TMEM202: variants seen among roughly 807,000 people sequenced by gnomAD.
TMEM202 encodes transmembrane protein 202.
A neutral mutation model predicts 26.1 loss-of-function variants in TMEM202; 25 were observed. That is an observed-to-expected ratio of 0.96 (90% confidence interval 0.70 to 1.34). The LOEUF (loss-of-function observed/expected upper bound fraction) is 1.34, where lower values mean the gene tolerates loss of function less well. Among genes scored for constraint, TMEM202 ranks in the 40% most tolerant of loss-of-function variants. TMEM202 has a pLI of 0.00. For synonymous variants in TMEM202, 122 were observed against 119.0 expected (o/e 1.02, Z -0.16); for missense variants, 301 against 327.7 (o/e 0.92, Z 0.63).
chr15:72,405,681 C>T (rs1595826166), intron 2 of TMEM202, among the ~76,000 whole-genome samples: 1 of 152,132 alleles, frequency 6.6e-6, no homozygotes, highest in East Asian at 1.9e-4. Flanking sequence ...TTGAAATCAT[C>T]ATAATATGGA....
Position 72,406,897 on chromosome 15 carries a change from T to C in TMEM202, c.487+146T>C, listed in dbSNP as rs550235378. ...CTTGCCAGCTATCTGCCTTATCTAA[T>C]TATATAGAACACACCTTAGCTGACT... On this transcript the variant is annotated intron_variant, in intron 3 of 4. Coordinates refer to ENST00000341689, the MANE Select transcript of TMEM202 (RefSeq NM_001080462.3). 516 of 1,174,532 alleles carry C rather than the reference T, an allele frequency of 4.4e-4. 2 individuals carry two copies. The Middle Eastern group carries it at 5.5e-3, about 13-fold the overall frequency. The allele number at this position is 1,174,532 out of a possible 1,614,324, so 72.8% of individuals were successfully genotyped here. A position where few individuals can be genotyped will look rare whatever the true frequency, so the allele number is the denominator to read the frequency against.
chr15:72,404,701 G>A (rs2063563391), intron 2 of TMEM202, among the ~76,000 whole-genome samples: 1 of 152,176 alleles, frequency 6.6e-6, no homozygotes, highest in Non-Finnish European at 1.5e-5. Flanking sequence ...AAGCAAAAGA[G>A]GAAATCCAAT....
chr15:72,405,996 C>A (rs1004363366), intron 2 of TMEM202, among the ~76,000 whole-genome samples: 1 of 152,036 alleles, frequency 6.6e-6, no homozygotes, highest in Non-Finnish European at 1.5e-5. Flanking sequence ...CCTGTACATG[C>A]CAGATAGAGC....
chr15:72,406,537 G>GA, intron 2 of TMEM202, 65 bp from the exon 3 acceptor site: 1 of 1,352,322 alleles, frequency 7.4e-7, no homozygotes, highest in African/African-American at 1.5e-5. Flanking sequence ...GACTCTATCT[G>GA]GCCTTTTTAA....
intron 2 of TMEM202, among the ~76,000 whole-genome samples, chr15:72,400,947 C>T (rs140146019): frequency 0.047 from 7,081 of 152,082 alleles, 260 homozygotes; most frequent in Non-Finnish European, 0.065. Context: ...CTTTTTAGAC[C>T]ATATAGGGTA....
Position 72,408,107 on chromosome 15 carries a change from A to C in TMEM202, c.*214A>C. 1.9e-6 allele frequency: 1 copy of C among 533,164 alleles called. No homozygotes were observed. Among genetic ancestry groups the C allele is most frequent in the Middle Eastern group, 5.1e-4 (1 of 1,944 alleles). 33.0% of individuals were successfully genotyped at this position (533,164 alleles called of 1,614,324 possible). The stretch of plus-strand genomic sequence containing the variant: ...CACTTAAGAAAAACATTTCTAAAAG[A>C]AAACAACAATGTTTAGAGTCATGAA... On this transcript the variant is annotated 3_prime_UTR_variant, in exon 5 of 5. Coordinates refer to ENST00000341689, the MANE Select transcript of TMEM202 (RefSeq NM_001080462.3).
At chr15:72,404,228 A>G (rs2063561164) in intron 2 of TMEM202, among the ~76,000 whole-genome samples, 1 of 152,160 alleles carries the variant, frequency 6.6e-6, no homozygotes, top group African/African-American at 2.4e-5. Flanking sequence ...AGCCTGGGCA[A>G]CATGGTGAAA....
chr15:72,401,154 C>T (rs2063545758), intron 2 of TMEM202, among the ~76,000 whole-genome samples: 1 of 152,154 alleles, frequency 6.6e-6, no homozygotes, highest in African/African-American at 2.4e-5. Context: ...TCTTTATGAC[C>T]TGTATTTTGT....
chr15:72,407,265 C>G (rs753061877), intron 4 of TMEM202, 48 bp downstream of exon 4: 2 of 1,602,070 alleles, frequency 1.2e-6, no homozygotes, highest in South Asian at 2.2e-5. Flanking sequence ...AGGGAAATCG[C>G]TTCTGGAAAG....
chr15:72,401,827 G>A (rs991198213), intron 2 of TMEM202, among the ~76,000 whole-genome samples: 1 of 152,104 alleles, frequency 6.6e-6, no homozygotes, highest in Admixed American at 6.5e-5. Context: ...ATTATAACTA[G>A]CTCTAATTCA....
intron 2 of TMEM202, 62 bp downstream of exon 2, chr15:72,398,970 A>G (rs1478938381): frequency 1.3e-6 from 2 of 1,552,514 alleles, no homozygotes; most frequent in Non-Finnish European, 1.7e-6. Flanking sequence ...CTGCTCACAC[A>G]AATTGGCCCT....
chr15:72,399,390 G>A (rs2140355249), intron 2 of TMEM202, among the ~76,000 whole-genome samples: 1 of 152,208 alleles, frequency 6.6e-6, no homozygotes, highest in East Asian at 1.9e-4. Flanking sequence ...CTGGCCTCAA[G>A]TGATCCTCCC....
At position 72,407,783 on chromosome 15, in the gene TMEM202, G is replaced by T. The variant is rs748851347; in HGVS notation, c.712G>T (p.Val238Phe). ...VIPTERSRLG[V>F]GPVTTVSPAK... ...TCCAACAGAGAGATCAAGGCTGGGG[G>T]TTGGTCCGGTGACTACAGTATCACC... Residue 238 changes from valine to phenylalanine, a missense_variant, in exon 5 of 5, where the codon GTT (valine) becomes TTT (phenylalanine). Coordinates refer to ENST00000341689, the MANE Select transcript of TMEM202 (RefSeq NM_001080462.3). 2.5e-6 allele frequency: 4 copies of T among 1,613,950 alleles called. No individual in the cohort carries two copies. In the African/African-American group the frequency reaches 5.3e-5, roughly 22 times the overall value.
At chr15:72,406,422 T>C (rs1481989790) in intron 2 of TMEM202, among the ~76,000 whole-genome samples, 180 bp from the exon 3 acceptor site, 1 of 152,220 alleles carries the variant, frequency 6.6e-6, no homozygotes, top group African/African-American at 2.4e-5. Context: ...GAAGTATTTG[T>C]ATATTATCTT....
chr15:72,406,067 A>G (rs541264163), intron 2 of TMEM202, among the ~76,000 whole-genome samples: 45 of 152,310 alleles, frequency 3.0e-4, no homozygotes, highest in African/African-American at 1.1e-3. Context: ...GTATATTAAT[A>G]TGATAGAATA....
rs2063576441 is a variant in TMEM202 at position 72,407,201 on chromosome 15, C to A, written c.603C>A (p.Ile201=). Residue 201 remains isoleucine (I), a synonymous_variant, in exon 4 of 5, where the codon ATC becomes ATA. Transcript: ENST00000341689. The part of the protein sequence containing the change: ...WTYYLNWCSD[I]FYMFAGIISL... ...ATTATCTTAACTGGTGCAGTGACAT[C>A]TTTTACATGTTTGCTGGTGAGTCAC... 1.2e-6 allele frequency: 2 copies of A among 1,613,664 alleles called. No homozygotes were observed. The highest frequency in any genetic ancestry group is 2.7e-5 in the African/African-American group (2 of 75,010).
At chr15:72,401,654 G>A (rs1336737751) in intron 2 of TMEM202, among the ~76,000 whole-genome samples, 2 of 152,150 alleles carry the variant, frequency 1.3e-5, no homozygotes, top group African/African-American at 4.8e-5. Context: ...AGAAAATCAA[G>A]GAAATCAAGC....
At chr15:72,402,762 G>A (rs2063553775) in intron 2 of TMEM202, among the ~76,000 whole-genome samples, 1 of 152,102 alleles carries the variant, frequency 6.6e-6, no homozygotes. Context: ...AGGACCCTAG[G>A]AACAACCATA....
Position 72,398,795 on chromosome 15 carries a change from C to T in TMEM202, c.224C>T (p.Ser75Phe), listed in dbSNP as rs1040475769. 1 of 1,614,168 alleles carries T rather than the reference C, an allele frequency of 6.2e-7. No individual in the cohort carries two copies. Among genetic ancestry groups the T allele is most frequent in the Non-Finnish European group, 8.5e-7 (1 of 1,180,042 alleles). ...AGCCTCCTAATGCTGATCGCCATGT[C>T]CCCACTGAACTGGGTACAGTTTCTG... ...SFSLLMLIAMSPLNWVQFLVI... is the reference protein window; with the variant it reads ...SFSLLMLIAMFPLNWVQFLVI... The change falls in exon 2 of 5, where the codon TCC becomes TTC. Residue 75 changes from serine to phenylalanine, a missense_variant. By Grantham distance (155) the Ser-to-Phe change is radical. Coordinates refer to ENST00000341689, the MANE Select transcript of TMEM202 (RefSeq NM_001080462.3).
Sources: allele counts gnomAD v4.1 joint callset (sites outside exome capture counted in the v4.1 genomes callset), GRCh38; gene constraint gnomAD v4.1.1; transcripts MANE v1.5; gene names NCBI Gene and HGNC (gene_info 2026-07-23, HGNC 2026-07-21).